TMTC1: variants seen among roughly 807,000 people sequenced by gnomAD.
TMTC1 encodes transmembrane O-mannosyltransferase targeting cadherins 1.
Under a neutral mutation model 104.8 loss-of-function variants are expected in TMTC1, and 73 were observed. The observed-to-expected ratio is 0.70, with a 90% CI of 0.58 to 0.85. TMTC1 has a LOEUF of 0.85. Among genes scored for constraint, TMTC1 ranks in the 40% least tolerant of loss-of-function variants. The pLI is 0.00. For synonymous variants in TMTC1, 434 were observed against 428.7 expected (o/e 1.01, Z -0.15); for missense variants, 1,035 against 1,096.1 (o/e 0.94, Z 0.79).
At chr12:29,660,139 G>A (rs928620922) in intron 5 of TMTC1, among the ~76,000 whole-genome samples, 3 of 152,192 alleles carry the variant, frequency 2.0e-5, no homozygotes, top group African/African-American at 7.2e-5. Context: ...AACAGAACAT[G>A]CAGAAGGTAC....
intron 10 of TMTC1, among the ~76,000 whole-genome samples, chr12:29,541,955 C>T (rs1421776707): frequency 6.6e-6 from 1 of 152,122 alleles, no homozygotes; most frequent in Admixed American, 6.5e-5. Flanking sequence ...CCTCACCTGG[C>T]CCCACAATAG....
chr12:29,739,754 G>C (rs2136940062), intron 5 of TMTC1, among the ~76,000 whole-genome samples: 1 of 151,966 alleles, frequency 6.6e-6, no homozygotes, highest in East Asian at 1.9e-4. Flanking sequence ...TGTTGCCCAG[G>C]CTGGAGTGCA....
At chr12:29,702,675 C>T (rs943903826) in intron 5 of TMTC1, among the ~76,000 whole-genome samples, 1 of 152,182 alleles carries the variant, frequency 6.6e-6, no homozygotes, top group South Asian at 2.1e-4. Flanking sequence ...CGGGTGAATC[C>T]GAGGCAGCGC....
At position 29,610,087 on chromosome 12, in the gene TMTC1, T is replaced by C. The variant is rs148839169; in HGVS notation, c.1129-5788A>G. 8.3e-4 allele frequency: 127 copies of C among 152,396 alleles called. 5 individuals are homozygous for C. The highest frequency in any genetic ancestry group is 2.5e-3 in the African/African-American group (102 of 41,590). The allele number at this position is 152,396 out of a possible 1,614,324, so 9.4% of individuals were successfully genotyped here. A position where few individuals can be genotyped will look rare whatever the true frequency, so the allele number is the denominator to read the frequency against. On this transcript the variant is annotated intron_variant, in intron 6 of 17. Coordinates refer to ENST00000539277, the MANE Select transcript of TMTC1 (RefSeq NM_001193451.2). Reference sequence around the variant, plus strand: ...ACCCACATCACCGGAAATGGTCCTTTCATAAACTCTCTTCAATCACCTCAC... The same window carrying C: ...ACCCACATCACCGGAAATGGTCCTTCCATAAACTCTCTTCAATCACCTCAC...
intron 9 of TMTC1, among the ~76,000 whole-genome samples, chr12:29,558,003 A>G (rs969919684): frequency 2.6e-5 from 4 of 152,196 alleles, no homozygotes; most frequent in African/African-American, 7.2e-5. Flanking sequence ...CAAAAATAGC[A>G]TTCCTAATGT....
intron 1 of TMTC1, among the ~76,000 whole-genome samples, chr12:29,769,999 A>G (rs1285259589): frequency 6.6e-6 from 1 of 152,096 alleles, no homozygotes; most frequent in African/African-American, 2.4e-5. Flanking sequence ...ACAAGAATGC[A>G]TCTCACAGTG....
At chr12:29,510,530 T>C (rs945711915) in intron 17 of TMTC1, among the ~76,000 whole-genome samples, 4 of 152,298 alleles carry the variant, frequency 2.6e-5, no homozygotes, top group African/African-American at 9.6e-5. Context: ...CTTGGGCAAT[T>C]TGGCTCTGAA....
At chr12:29,540,831 C>T (rs1286350802) in intron 10 of TMTC1, among the ~76,000 whole-genome samples, 5 of 151,998 alleles carry the variant, frequency 3.3e-5, no homozygotes, top group Non-Finnish European at 7.4e-5. Context: ...CCTGTCTCTA[C>T]TAAAAATACA....
intron 1 of TMTC1, among the ~76,000 whole-genome samples, chr12:29,779,990 A>G (rs1238254143): frequency 6.6e-6 from 1 of 152,240 alleles, no homozygotes; most frequent in Non-Finnish European, 1.5e-5. Context: ...CAAAATGGCT[A>G]CAGTAAAAAA....
intron 5 of TMTC1, among the ~76,000 whole-genome samples, chr12:29,732,065 T>A (rs1942558293): frequency 6.6e-6 from 1 of 152,238 alleles, no homozygotes; most frequent in South Asian, 2.1e-4. Flanking sequence ...TTAAGCATTG[T>A]TGTAACTTTT....
intron 11 of TMTC1, among the ~76,000 whole-genome samples, chr12:29,529,125 T>C (rs1410663291): frequency 1.3e-5 from 2 of 152,308 alleles, no homozygotes; most frequent in Non-Finnish European, 2.9e-5. Context: ...TTCATAACTG[T>C]GGATATATCA....
At chr12:29,583,625 C>G in intron 7 of TMTC1, 51 bp from the exon 8 acceptor site, 2 of 1,521,638 alleles carry the variant, frequency 1.3e-6, no homozygotes, top group Non-Finnish European at 1.8e-6. Context: ...GCAATAGCTT[C>G]CCCCCAGAAT....
At chr12:29,523,110 G>A (rs954184614) in intron 11 of TMTC1, among the ~76,000 whole-genome samples, 1 of 152,176 alleles carries the variant, frequency 6.6e-6, no homozygotes, top group African/African-American at 2.4e-5. Flanking sequence ...TTGGGTATTT[G>A]TCCATCTGTT....
chr12:29,650,087 CTTT>C (rs561950425), intron 5 of TMTC1, among the ~76,000 whole-genome samples: 2 of 142,660 alleles, frequency 1.4e-5, no homozygotes, highest in African/African-American at 2.6e-5. Flanking sequence ...CTTTTCTTTT[CTTT>C]TTTTTTTTTT....
chr12:29,525,216 T>C (rs1944306133), intron 11 of TMTC1, among the ~76,000 whole-genome samples: 1 of 122,064 alleles, frequency 8.2e-6, no homozygotes, highest in Non-Finnish European at 1.6e-5. Context: ...GGAGTTTTGC[T>C]CTGTCACCCA....
intron 6 of TMTC1, among the ~76,000 whole-genome samples, chr12:29,622,982 G>A (rs1248616558): frequency 6.6e-6 from 1 of 152,120 alleles, no homozygotes; most frequent in East Asian, 1.9e-4. Flanking sequence ...AGAGAAAGGA[G>A]CATTTAGATT....
intron 5 of TMTC1, among the ~76,000 whole-genome samples, chr12:29,664,125 T>G (rs1258002912): frequency 1.3e-5 from 2 of 149,366 alleles, no homozygotes; most frequent in Admixed American, 6.7e-5. Flanking sequence ...AGGCGGAGCT[T>G]GCAGTGAGCC....
chr12:29,672,722 G>T (rs533110976), intron 5 of TMTC1, among the ~76,000 whole-genome samples: 1 of 152,084 alleles, frequency 6.6e-6, no homozygotes, highest in Non-Finnish European at 1.5e-5. Context: ...TCAGACACAC[G>T]TACACACTGA....
At chr12:29,518,230 AC>A (rs1944046173) in intron 13 of TMTC1, among the ~76,000 whole-genome samples, 1 of 152,208 alleles carries the variant, frequency 6.6e-6, no homozygotes, top group Non-Finnish European at 1.5e-5. Flanking sequence ...CAACAAACTG[AC>A]TAAAGTGGGA....
Sources: gnomAD v4.1 joint callset for allele counts (sites outside exome capture counted in the v4.1 genomes callset) on GRCh38, gnomAD v4.1.1 for gene constraint, MANE v1.5 for transcripts, NCBI Gene and HGNC (gene_info 2026-07-23, HGNC 2026-07-21) for gene names.